Variants in GPC5 observed in about 807,000 individuals in gnomAD.
The protein encoded by GPC5 is glypican 5.
Under a neutral mutation model 53.9 loss-of-function variants are expected in GPC5, and 47 were observed. The ratio of observed to expected loss-of-function variants is 0.87; its 90% CI spans 0.69 to 1.11. The LOEUF (loss-of-function observed/expected upper bound fraction) is 1.11, where lower values mean the gene tolerates loss of function less well. GPC5 is among the 50% of genes most tolerant of loss of function. The pLI is 0.00. For missense variants in GPC5, 748 were observed against 713.1 expected, an observed-to-expected ratio of 1.05 and a Z score of -0.56; for synonymous variants, 286 against 263.3, an observed-to-expected ratio of 1.09 and a Z score of -0.84.
At chr13:91,990,346 A>C (rs957774254) in intron 6 of GPC5, among the ~76,000 whole-genome samples, 1 of 152,176 alleles carries the variant, frequency 6.6e-6, no homozygotes, top group African/African-American at 2.4e-5. Context: ...TGTGACAGAT[A>C]GATAATTTAA....
chr13:91,929,497 C>T (rs1451713421), intron 6 of GPC5, among the ~76,000 whole-genome samples: 1 of 152,110 alleles, frequency 6.6e-6, no homozygotes, highest in Non-Finnish European at 1.5e-5. Context: ...TCTTAATTTT[C>T]AACGTAAACT....
intron 7 of GPC5, among the ~76,000 whole-genome samples, chr13:92,805,627 C>T (rs1877067303): frequency 6.6e-6 from 1 of 151,674 alleles, no homozygotes; most frequent in Non-Finnish European, 1.5e-5. Context: ...TTGTAGAGAT[C>T]GGGTCTCACT....
intron 5 of GPC5, among the ~76,000 whole-genome samples, chr13:91,880,737 G>C (rs943372893): frequency 5.3e-5 from 8 of 152,118 alleles, no homozygotes; most frequent in African/African-American, 1.9e-4. Context: ...GATTCTTCCA[G>C]GCTATAGTCA....
intron 2 of GPC5, among the ~76,000 whole-genome samples, chr13:91,602,763 A>G (rs970597330): frequency 1.3e-5 from 2 of 152,174 alleles, no homozygotes; most frequent in Non-Finnish European, 2.9e-5. Context: ...TAATTGATCT[A>G]GGGTCATCAT....
At chr13:92,210,319 C>T (rs918550088) in intron 7 of GPC5, among the ~76,000 whole-genome samples, 2 of 152,062 alleles carry the variant, frequency 1.3e-5, no homozygotes, top group Non-Finnish European at 1.5e-5. Context: ...ATTCTGATTT[C>T]CTACTAAATG....
intron 7 of GPC5, among the ~76,000 whole-genome samples, chr13:92,283,868 A>G (rs1372053894): frequency 6.6e-6 from 1 of 152,248 alleles, no homozygotes; most frequent in Non-Finnish European, 1.5e-5. Context: ...AAAAGCTAGC[A>G]GAAGGCAAGA....
intron 2 of GPC5, among the ~76,000 whole-genome samples, chr13:91,670,146 T>A (rs193196186): frequency 6.8e-4 from 103 of 152,258 alleles, no homozygotes; most frequent in Non-Finnish European, 7.4e-4. Context: ...TGTTGCCCAT[T>A]GCTGAGTGAT....
At chr13:92,171,593 G>A (rs1046161565) in intron 7 of GPC5, among the ~76,000 whole-genome samples, 1 of 152,120 alleles carries the variant, frequency 6.6e-6, no homozygotes, top group Non-Finnish European at 1.5e-5. Context: ...TGTATTAGTT[G>A]TTCATTTTCC....
intron 5 of GPC5, among the ~76,000 whole-genome samples, chr13:91,784,726 G>A (rs199847031): frequency 4.5e-4 from 65 of 143,572 alleles, no homozygotes; most frequent in African/African-American, 8.3e-4. Context: ...CTCCATCTCA[G>A]AAAAAAAAAA....
chr13:91,766,026 A>T (rs920432108), intron 5 of GPC5, among the ~76,000 whole-genome samples: 1 of 152,264 alleles, frequency 6.6e-6, no homozygotes, highest in Admixed American at 6.5e-5. Context: ...CAATAAAAAT[A>T]ACTTTGTCAC....
At chr13:92,501,002 TA>T (rs1232909348) in intron 7 of GPC5, among the ~76,000 whole-genome samples, 6 of 151,844 alleles carry the variant, frequency 4.0e-5, no homozygotes, top group African/African-American at 1.5e-4. Flanking sequence ...AAAGTGGAGA[TA>T]TTTTTCATAA....
At chr13:92,051,724 A>C (rs1036126042) in intron 6 of GPC5, among the ~76,000 whole-genome samples, 17 of 152,346 alleles carry the variant, frequency 1.1e-4, no homozygotes, top group South Asian at 2.1e-4. Flanking sequence ...TGGCATCAGG[A>C]TAACAAAGTG....
intron 5 of GPC5, among the ~76,000 whole-genome samples, chr13:91,784,345 G>T (rs531982287): frequency 2.6e-4 from 39 of 152,264 alleles, no homozygotes; most frequent in Admixed American, 1.0e-3. Context: ...TCTCTGGGTA[G>T]ATAATAATTT....
chr13:91,598,788 C>T (rs2033081971), intron 2 of GPC5, among the ~76,000 whole-genome samples: 1 of 152,046 alleles, frequency 6.6e-6, no homozygotes, highest in Non-Finnish European at 1.5e-5. Flanking sequence ...AGTGCCCCCT[C>T]CTCATCTACC....
In GPC5 at chr13:92,442,013, CA is replaced by C. The variant is rs547827882; in HGVS notation, c.1561+297030del. ...AATTTAATATGCATTATTTAAGAGG[CA>C]AAAAACCCAATAGTGTTTGACTCAC... On this transcript the variant is annotated intron_variant, in intron 7 of 7. Coordinates refer to ENST00000377067, the MANE Select transcript of GPC5 (RefSeq NM_004466.6). 1.3e-3 allele frequency among the ~76,000 whole-genome samples: 198 copies of C among 152,128 alleles called. 3 individuals are homozygous for C. The highest frequency in any genetic ancestry group is 0.011 in the Admixed American group (172 of 15,288).
chr13:92,215,906 A>T (rs1412472800), intron 7 of GPC5, among the ~76,000 whole-genome samples: 1 of 152,054 alleles, frequency 6.6e-6, no homozygotes, highest in Non-Finnish European at 1.5e-5. Context: ...GAATTTGGTC[A>T]CCCCTCCTTA....
intron 7 of GPC5, chr13:92,446,573 A>G (rs1877835855): frequency 6.6e-6 from 1 of 151,976 alleles, no homozygotes; most frequent in Non-Finnish European, 1.5e-5. Context: ...GCTATTGTGA[A>G]TAGTTCTGCA....
At chr13:92,346,421 T>A (rs762337051) in intron 7 of GPC5, among the ~76,000 whole-genome samples, 2 of 152,154 alleles carry the variant, frequency 1.3e-5, no homozygotes, top group Non-Finnish European at 2.9e-5. Flanking sequence ...ATGGCAGAAC[T>A]CAGCTAGCAG....
chr13:92,241,959 A>C (rs962251679), intron 7 of GPC5: 3 of 152,208 alleles, frequency 2.0e-5, no homozygotes, highest in Non-Finnish European at 4.4e-5. Flanking sequence ...GGGACTGGGC[A>C]TGAGGGCTCA....
Sources: gnomAD v4.1 joint callset for allele counts (sites outside exome capture counted in the v4.1 genomes callset) on GRCh38, gnomAD v4.1.1 for gene constraint, MANE v1.5 for transcripts, NCBI Gene and HGNC (gene_info 2026-07-23, HGNC 2026-07-21) for gene names.